The following SERPINA6 variants were observed in gnomAD, a reference collection of about 807,000 sequenced individuals.
The protein encoded by SERPINA6 is corticosteroid-binding globulin.
Under a neutral mutation model 26.4 loss-of-function variants are expected in SERPINA6, and 19 were observed. The ratio of observed to expected loss-of-function variants is 0.72; its 90% CI spans 0.50 to 1.06. The LOEUF (loss-of-function observed/expected upper bound fraction) is 1.06, where lower values mean the gene tolerates loss of function less well. Among genes scored for constraint, SERPINA6 ranks in the 50% least tolerant of loss-of-function variants. The pLI, the probability that SERPINA6 is intolerant of heterozygous loss-of-function variation, is 0.00. For missense variants in SERPINA6, 473 were observed against 504.0 expected (o/e 0.94, Z 0.59); for synonymous variants, 196 against 199.4 (o/e 0.98, Z 0.14).
At chr14:94,308,287 A>G (rs969741173) in intron 3 of SERPINA6, among the ~76,000 whole-genome samples, 2 of 152,352 alleles carry the variant, frequency 1.3e-5, no homozygotes, top group Middle Eastern at 3.4e-3. Flanking sequence ...TCGTACCACT[A>G]TTAATTCCAC....
intron 2 of SERPINA6, among the ~76,000 whole-genome samples, chr14:94,313,279 T>G (rs1895557905): frequency 6.6e-6 from 1 of 152,146 alleles, no homozygotes; most frequent in South Asian, 2.1e-4. Flanking sequence ...CCCCAGAACT[T>G]GAGAATATGT....
chr14:94,314,129 C>T lies in SERPINA6; in HGVS notation c.520G>A (p.Val174Ile). Residue 174 changes from valine to isoleucine, a missense_variant, in exon 2 of 5, where the codon GTC becomes ATC. Physicochemically the swap from Val to Ile is conservative, Grantham distance 29. Transcript: ENST00000341584. Reference sequence around the variant, plus strand: ...ATTTTCCCCTGTGTCTTATTCTTGACATAGCTGTTGATCTGTCTGCTGGCT... The same window carrying T: ...ATTTTCCCCTGTGTCTTATTCTTGATATAGCTGTTGATCTGTCTGCTGGCT... ...ATASRQINSY[V>I]KNKTQGKIVD... 6.2e-7 allele frequency: 1 copy of T among 1,614,240 alleles called. No homozygotes were observed. Among genetic ancestry groups the T allele is most frequent in the Non-Finnish European group, 8.5e-7 (1 of 1,180,044 alleles).
Position 94,314,456 on chromosome 14 carries a change from T to A in SERPINA6, c.193A>T (p.Ile65Phe), listed in dbSNP as rs1203867726. Residue 65 changes from isoleucine to phenylalanine, a missense_variant, in exon 2 of 5, where the codon ATC becomes TTC. Coordinates refer to ENST00000341584, the MANE Select transcript of SERPINA6 (RefSeq NM_001756.4). ...VALSPKKNIF[I>F]SPVSISMALA... ...GCCATGGAGATGCTCACAGGGGAGATGAAAATGTTCTTTTTGGGACTCAAG... is the reference window on the plus strand; with the variant it reads ...GCCATGGAGATGCTCACAGGGGAGAAGAAAATGTTCTTTTTGGGACTCAAG... 6.2e-7 allele frequency: 1 copy of A among 1,614,030 alleles called. No homozygotes were observed. The highest frequency in any genetic ancestry group is 1.3e-5 in the African/African-American group (1 of 74,902).
intron 2 of SERPINA6, among the ~76,000 whole-genome samples, chr14:94,311,279 A>T (rs1467633002): frequency 1.3e-5 from 2 of 152,192 alleles, no homozygotes; most frequent in East Asian, 1.9e-4. Context: ...CCTCCAAAGG[A>T]GGTCTAAAAT....
At chr14:94,323,021 C>T (rs1895705668) in intron 1 of SERPINA6, among the ~76,000 whole-genome samples, 1 of 152,234 alleles carries the variant, frequency 6.6e-6, no homozygotes, top group South Asian at 2.1e-4. Flanking sequence ...AGCTACAGCC[C>T]TCTGTGTCAG....
intron 1 of SERPINA6, among the ~76,000 whole-genome samples, chr14:94,317,028 C>G (rs1183560010): frequency 6.6e-6 from 1 of 152,160 alleles, no homozygotes; most frequent in African/African-American, 2.4e-5. Flanking sequence ...TGTGGGACTT[C>G]TCAGCTTCTG....
intron 2 of SERPINA6, among the ~76,000 whole-genome samples, chr14:94,313,264 C>T (rs1312165345): frequency 2.0e-5 from 3 of 152,220 alleles, no homozygotes; most frequent in Admixed American, 1.3e-4. Flanking sequence ...TGTCCACATT[C>T]TAATCCCCAG....
At chr14:94,310,631 T>A (rs1419523772) in intron 2 of SERPINA6, among the ~76,000 whole-genome samples, 3 of 152,172 alleles carry the variant, frequency 2.0e-5, no homozygotes, top group Non-Finnish European at 4.4e-5. Flanking sequence ...GCTCACTACC[T>A]TCACAGATGG....
chr14:94,314,977 C>G (rs1595575614), intron 1 of SERPINA6: 2 of 422,778 alleles, frequency 4.7e-6, no homozygotes, highest in East Asian at 8.9e-5. Context: ...TGATTTTAGG[C>G]AGGCAGAAAT....
At chr14:94,321,194 C>G (rs1047261555) in intron 1 of SERPINA6, among the ~76,000 whole-genome samples, 1 of 152,210 alleles carries the variant, frequency 6.6e-6, no homozygotes, top group Non-Finnish European at 1.5e-5. Flanking sequence ...CAGGACTCAG[C>G]AGTAGCCCCT....
chr14:94,314,316 G>A lies in SERPINA6; in HGVS notation c.333C>T (p.His111=), dbSNP rs776044619. ...SETEIHQGFQ[H]LHQLFAKSDT... ...CTGACTTTGCAAAGAGTTGGTGCAG[G>A]TGCTGGAAACCCTGGTGGATCTCAG... Residue 111 remains histidine, a synonymous_variant, in exon 2 of 5, where the codon CAC becomes CAT. Transcript: ENST00000341584. 6.2e-7 allele frequency: 1 copy of A among 1,614,186 alleles called. No homozygotes were observed. The highest frequency in any genetic ancestry group is 8.5e-7 in the Non-Finnish European group (1 of 1,180,022).
intron 2 of SERPINA6, among the ~76,000 whole-genome samples, chr14:94,311,325 A>G (rs1156850902): frequency 1.3e-5 from 2 of 152,206 alleles, no homozygotes; most frequent in African/African-American, 4.8e-5. Flanking sequence ...TTTGTGGCTA[A>G]CTTACAGCAA....
intron 1 of SERPINA6, among the ~76,000 whole-genome samples, chr14:94,321,517 T>A (rs1181724227): frequency 6.6e-6 from 1 of 152,142 alleles, no homozygotes; most frequent in Non-Finnish European, 1.5e-5. Flanking sequence ...GCAGGGCATG[T>A]CACATCACTA....
At chr14:94,315,217 C>T (rs373841631) in intron 1 of SERPINA6, among the ~76,000 whole-genome samples, 4 of 152,236 alleles carry the variant, frequency 2.6e-5, no homozygotes, top group East Asian at 1.9e-4. Flanking sequence ...AAGGTAGATG[C>T]GTGGGCAATT....
chr14:94,311,178 C>T (rs1357200551), intron 2 of SERPINA6, among the ~76,000 whole-genome samples: 1 of 152,170 alleles, frequency 6.6e-6, no homozygotes, highest in Admixed American at 6.5e-5. Flanking sequence ...ACCTCACTAA[C>T]CTTGATGTCT....
intron 2 of SERPINA6, among the ~76,000 whole-genome samples, chr14:94,312,535 G>T (rs1380043803): frequency 6.6e-6 from 1 of 152,224 alleles, no homozygotes; most frequent in Non-Finnish European, 1.5e-5. Flanking sequence ...GGGGGAGATG[G>T]TCTATGGAAT....
At chr14:94,311,985 TCAGGGCCA>T (rs1895538085) in intron 2 of SERPINA6, among the ~76,000 whole-genome samples, 1 of 152,006 alleles carries the variant, frequency 6.6e-6, no homozygotes, top group Non-Finnish European at 1.5e-5. Context: ...AAATAACACA[TCAGGGCCA>T]TTTTACATAT....
chr14:94,314,085 C>A lies in SERPINA6; in HGVS notation c.564G>T (p.Gly188=). 6.2e-7 allele frequency: 1 copy of A among 1,614,140 alleles called. No homozygotes were observed. Among genetic ancestry groups the A allele is most frequent in the Non-Finnish European group, 8.5e-7 (1 of 1,180,022 alleles). ...TQGKIVDLFS[G]LDSPAILVLV... ...GGACGAGGATGGCTGGGCTATCCAGCCCTGAAAACAAGTCGACAATTTTCC... is the reference window on the plus strand; with the variant it reads ...GGACGAGGATGGCTGGGCTATCCAGACCTGAAAACAAGTCGACAATTTTCC... The change falls in exon 2 of 5, where the codon GGG becomes GGT. Residue 188 remains glycine (G), a synonymous_variant. Coordinates refer to ENST00000341584, the MANE Select transcript of SERPINA6 (RefSeq NM_001756.4).
chr14:94,310,412 T>C (rs1003458486), intron 2 of SERPINA6, among the ~76,000 whole-genome samples: 1 of 144,076 alleles, frequency 6.9e-6, no homozygotes, highest in Non-Finnish European at 1.6e-5. Context: ...GAGGGGGCCA[T>C]CTCCACCCCT....
Sources: allele counts gnomAD v4.1 joint callset (sites outside exome capture counted in the v4.1 genomes callset), GRCh38; gene constraint gnomAD v4.1.1; transcripts MANE v1.5; gene names NCBI Gene and HGNC (gene_info 2026-07-23, HGNC 2026-07-21).